The following ABCC3 variants were observed in gnomAD, a reference collection of about 807,000 sequenced individuals.
ABCC3 encodes the protein ATP binding cassette subfamily C member 3, also known as ATP-binding cassette sub-family C member 3.
Under a neutral mutation model 165.3 loss-of-function variants are expected in ABCC3, and 121 were observed. The observed-to-expected ratio is 0.73, with a 90% CI of 0.63 to 0.85. The LOEUF is 0.85. ABCC3 is among the 40% of genes least tolerant of loss of function. ABCC3 has a pLI of 0.00. For synonymous variants in ABCC3, 733 were observed against 810.1 expected (o/e 0.90, Z 1.62); for missense variants, 1,869 against 1,964.1 (o/e 0.95, Z 0.92).
At chr17:50,659,672 A>T (rs564006225) in intron 7 of ABCC3, among the ~76,000 whole-genome samples, 1 of 150,170 alleles carries the variant, frequency 6.7e-6, no homozygotes, top group African/African-American at 2.5e-5. Context: ...GGTAGGTTCA[A>T]GTGTCCCTGT....
chr17:50,649,111 CA>C (rs575758407), intron 1 of ABCC3, among the ~76,000 whole-genome samples: 37,902 of 100,004 alleles, frequency 0.38, 5,219 homozygotes, highest in Non-Finnish European at 0.44. Context: ...GACTCCATCT[CA>C]AAAAAAAAAA....
chr17:50,647,079 A>G (rs548578206), intron 1 of ABCC3, among the ~76,000 whole-genome samples: 12 of 152,174 alleles, frequency 7.9e-5, no homozygotes, highest in Admixed American at 2.6e-4. Context: ...GGATTTCACC[A>G]TGTTGGTCAG....
intron 8 of ABCC3, among the ~76,000 whole-genome samples, chr17:50,661,908 G>A (rs1967398817): frequency 6.6e-6 from 1 of 152,186 alleles, no homozygotes; most frequent in Non-Finnish European, 1.5e-5. Context: ...ACAAGTAGGT[G>A]AAGAAACAGG....
In ABCC3 at chr17:50,683,701, C is replaced by A; in HGVS notation, c.3899C>A (p.Pro1300Gln). The change falls in exon 27 of 31, where the codon CCG (proline) becomes CAG (glutamine). Residue 1300 changes from proline (P) to glutamine (Q), a missense_variant. Physicochemically the swap from Pro to Gln is moderately conservative, Grantham distance 76. Transcript: ENST00000285238. ...CGGAATTATTCTGTGCGCTACCGGCCGGGCCTAGACCTGGTGCTGAGAGAC... is the reference window on the plus strand; with the variant it reads ...CGGAATTATTCTGTGCGCTACCGGCAGGGCCTAGACCTGGTGCTGAGAGAC... Reference protein sequence around the residue: ...EFRNYSVRYRPGLDLVLRDLS... With the variant: ...EFRNYSVRYRQGLDLVLRDLS... 1 of 1,608,322 alleles carries A rather than the reference C, an allele frequency of 6.2e-7. No individual in the cohort carries two copies. The highest frequency in any genetic ancestry group is 2.3e-5 in the East Asian group (1 of 44,394).
chr17:50,670,116 C>G (rs1046670741), intron 17 of ABCC3, among the ~76,000 whole-genome samples: 1 of 151,604 alleles, frequency 6.6e-6, no homozygotes, highest in Non-Finnish European at 1.5e-5. Context: ...GAGCCTTGCT[C>G]TGTCACCCAG....
intron 4 of ABCC3, among the ~76,000 whole-genome samples, chr17:50,657,431 A>G: frequency 6.6e-6 from 1 of 152,222 alleles, no homozygotes; most frequent in South Asian, 2.1e-4. Context: ...GCTGTTCCAC[A>G]GCACCCACCC....
chr17:50,686,471 G>T (rs140781500), intron 29 of ABCC3, among the ~76,000 whole-genome samples: 20 of 152,056 alleles, frequency 1.3e-4, no homozygotes, highest in Middle Eastern at 3.4e-3. Context: ...TGCCACCCAC[G>T]CAGCCCTTAA....
At position 50,661,086 on chromosome 17, in the gene ABCC3, C is replaced by A; in HGVS notation, c.970C>A (p.Leu324Ile). Residue 324 changes from leucine (L) to isoleucine (I), a missense_variant, in exon 8 of 31, where the codon CTC becomes ATC. Physicochemically the swap from Leu to Ile is conservative, Grantham distance 5 (BLOSUM62 2). Transcript: ENST00000285238. Reference protein sequence around the residue: ...SACFKLIQDLLSFINPQLLSI... With the variant: ...SACFKLIQDLISFINPQLLSI... ...CTGCTTCAAGCTTATCCAGGACCTG[C>A]TCTCCTTCATCAATCCACAGCTGCT... is the stretch of plus-strand genomic sequence containing the variant. 1 of 1,613,864 alleles carries A rather than the reference C, an allele frequency of 6.2e-7. No individual in the cohort carries two copies. The highest frequency in any genetic ancestry group is 2.2e-5 in the East Asian group (1 of 44,886).
intron 6 of ABCC3, 180 bp downstream of exon 6, chr17:50,658,676 G>C: frequency 1.5e-6 from 1 of 689,492 alleles, no homozygotes; most frequent in South Asian, 1.8e-5. Context: ...CAAATGCAGA[G>C]GCCTGGCCTG....
At chr17:50,663,655 A>T (rs1967448276) in intron 8 of ABCC3, 26 bp from the exon 9 acceptor site, 2 of 1,612,288 alleles carry the variant, frequency 1.2e-6, no homozygotes, top group Admixed American at 1.7e-5. Context: ...AGCACTGCCC[A>T]CCTCACTCCT....
rs780594908 is a variant in ABCC3, at chr17:50,667,934, T to C, written c.1707T>C (p.Phe569=). 6.2e-7 allele frequency: 1 copy of C among 1,614,184 alleles called. No individual in the cohort carries two copies. The highest frequency in any genetic ancestry group is 2.2e-5 in the East Asian group (1 of 44,880). The change falls in exon 13 of 31, where the codon TTT becomes TTC. Residue 569 remains phenylalanine (F), a synonymous_variant. Coordinates refer to ENST00000285238, the MANE Select transcript of ABCC3 (RefSeq NM_003786.4). ...ATGTGCTGGACGCCGAGAAGGCCTT[T>C]GTGTCTGTGTCCTTGTTTAATATCT... ...PNNVLDAEKA[F]VSVSLFNILR...
Position 50,663,774 on chromosome 17 carries a change from G to A in ABCC3, c.1092G>A (p.Ser364=), listed in dbSNP as rs770789740. The change falls in exon 9 of 31, where the codon TCG becomes TCA. Residue 364 remains serine (S), a synonymous_variant. Coordinates refer to ENST00000285238, the MANE Select transcript of ABCC3 (RefSeq NM_003786.4). The part of the protein sequence containing the change: ...GLMFLCSMMQ[S]LILQHYYHYI... ...TGTTCCTGTGCTCCATGATGCAGTCGCTGATCTTACAACACTATTACCACT... is the reference window on the plus strand; with the variant it reads ...TGTTCCTGTGCTCCATGATGCAGTCACTGATCTTACAACACTATTACCACT... 44 of 1,614,048 alleles carry A rather than the reference G, an allele frequency of 2.7e-5. No individual in the cohort carries two copies. In the South Asian group the frequency reaches 4.1e-4, roughly 15 times the overall value.
intron 17 of ABCC3, among the ~76,000 whole-genome samples, chr17:50,671,673 T>C (rs970066072): frequency 6.7e-6 from 1 of 148,760 alleles, no homozygotes; most frequent in Non-Finnish European, 1.5e-5. Flanking sequence ...GGACCGAGCA[T>C]GCTAGCTCAG....
rs553955583 is a variant in ABCC3, at chr17:50,657,196, G to T, written c.486+13G>T. 2.5e-6 allele frequency: 4 copies of T among 1,612,782 alleles called. No homozygotes were observed. Among genetic ancestry groups the T allele is most frequent in the East Asian group, 2.2e-5 (1 of 44,884 alleles). On this transcript the variant is annotated intron_variant, in intron 4 of 30. Coordinates refer to ENST00000285238, the MANE Select transcript of ABCC3 (RefSeq NM_003786.4). ...AGCCAAGGCAGAGGTAAGGTTGGGG[G>T]AGAGGGGAACCTGCCAGGTTTAGCC...
intron 1 of ABCC3, among the ~76,000 whole-genome samples, chr17:50,639,437 C>T (rs920022096): frequency 4.6e-5 from 7 of 152,284 alleles, no homozygotes; most frequent in Admixed American, 6.5e-5. Context: ...TTGCCAAGCC[C>T]GCCTGTAGTC....
chr17:50,650,012 GAGAA>G (rs1487308369), intron 1 of ABCC3, among the ~76,000 whole-genome samples: 6 of 152,154 alleles, frequency 3.9e-5, no homozygotes, highest in Non-Finnish European at 5.9e-5. Flanking sequence ...ACTACCTAAA[GAGAA>G]AGAAAAACAT....
rs140585197 is a variant in ABCC3 at position 50,683,677 on chromosome 17, G to A, written c.3875G>A (p.Arg1292Gln). The change falls in exon 27 of 31, where the codon CGG becomes CAG. Residue 1292 changes from arginine to glutamine, a missense_variant. By Grantham distance (43) the Arg-to-Gln change is conservative. Coordinates refer to ENST00000285238, the MANE Select transcript of ABCC3 (RefSeq NM_003786.4). ...GWPPRGEVEF[R>Q]NYSVRYRPGL... The stretch of plus-strand genomic sequence containing the variant: ...CCCCCACGTGGGGAGGTGGAGTTCC[G>A]GAATTATTCTGTGCGCTACCGGCCG... The A allele has an allele frequency of 4.3e-4, 685 of 1,604,484 alleles. No homozygotes were observed. The highest frequency in any genetic ancestry group is 5.4e-4 in the Non-Finnish European group (632 of 1,175,272).
intron 1 of ABCC3, among the ~76,000 whole-genome samples, chr17:50,640,605 G>A (rs764355296): frequency 2.0e-5 from 3 of 152,106 alleles, no homozygotes; most frequent in South Asian, 2.1e-4. Context: ...TGCAACCTCC[G>A]CCTCCCAGGT....
rs768022704 is a variant in ABCC3, at chr17:50,677,918, T to C, written c.3553T>C (p.Cys1185Arg). 6.2e-6 allele frequency: 10 copies of C among 1,614,018 alleles called. No homozygotes were observed. The East Asian group carries it at 2.0e-4, about 32-fold the overall frequency. Reference protein sequence around the residue: ...DTKVDANQRSCYPYIISNRWL... With the variant: ...DTKVDANQRSRYPYIISNRWL... ...TAAGGTGGATGCCAACCAGAGAAGC[T>C]GCTACCCCTACATCATCTCCAACCG... Residue 1185 changes from cysteine (C) to arginine (R), a missense_variant, in exon 24 of 31, where the codon TGC becomes CGC. Transcript: ENST00000285238.
Sources: allele counts gnomAD v4.1 joint callset (sites outside exome capture counted in the v4.1 genomes callset), GRCh38; gene constraint gnomAD v4.1.1; transcripts MANE v1.5; gene names NCBI Gene and HGNC (gene_info 2026-07-23, HGNC 2026-07-21).